GABRG3: variants seen among roughly 807,000 people sequenced by gnomAD.
GABRG3 encodes the protein gamma-aminobutyric acid type A receptor subunit gamma3, also known as gamma-aminobutyric acid receptor subunit gamma-3.
A neutral mutation model predicts 48.8 loss-of-function variants in GABRG3; 25 were observed. That is an observed-to-expected ratio of 0.51 (90% CI 0.37 to 0.72). The LOEUF (loss-of-function observed/expected upper bound fraction) is 0.72, where lower values mean the gene tolerates loss of function less well. GABRG3 is among the 30% of genes least tolerant of loss of function. The pLI, the probability that GABRG3 is intolerant of heterozygous loss-of-function variation, is 0.00. For missense variants in GABRG3, 394 were observed against 577.9 expected (o/e 0.68, Z 3.26); for synonymous variants, 227 against 217.6 (o/e 1.04, Z -0.38).
At chr15:27,492,765 G>A (rs1175354239) in intron 6 of GABRG3, among the ~76,000 whole-genome samples, 1 of 152,206 alleles carries the variant, frequency 6.6e-6, no homozygotes, top group African/African-American at 2.4e-5. Flanking sequence ...CTCACTTTGT[G>A]CGTGTAAAGG....
At chr15:27,415,035 C>T (rs1325672412) in intron 5 of GABRG3, among the ~76,000 whole-genome samples, 3 of 152,048 alleles carry the variant, frequency 2.0e-5, no homozygotes, top group East Asian at 1.9e-4. Context: ...TCGTATCTGA[C>T]GTTAATTTGG....
In GABRG3 at chr15:26,974,949, C is replaced by T. The variant is rs1377668606; in HGVS notation, c.54-2053C>T. 6.6e-6 allele frequency among the ~76,000 whole-genome samples: 1 copy of T among 151,314 alleles called. No homozygotes were observed. Among genetic ancestry groups the T allele is most frequent in the Non-Finnish European group, 1.5e-5 (1 of 67,902 alleles). ...AGTGCAGTGACACTATCTCGGCTCA[C>T]TGCAACCTCTGCCTCCTGGGTTCAA... is the stretch of plus-strand genomic sequence containing the variant. On this transcript the variant is annotated intron_variant, in intron 1 of 9. Coordinates refer to ENST00000615808, the MANE Select transcript of GABRG3 (RefSeq NM_033223.5). The surrounding 1 kb of genome is among the most constrained non-coding windows in gnomAD (Gnocchi z 4.3).
chr15:27,208,472 C>T, intron 3 of GABRG3: 1 of 181,990 alleles, frequency 5.5e-6, no homozygotes. Context: ...ATGAATACTG[C>T]CTAGTTTCTG....
At chr15:27,145,665 T>TATCTATCTATCTATCTATCTAGCTATC (rs57021410) in intron 3 of GABRG3, among the ~76,000 whole-genome samples, 1 of 138,356 alleles carries the variant, frequency 7.2e-6, no homozygotes, top group Non-Finnish European at 1.5e-5. Flanking sequence ...ATCTATCTAT[T>TATCTATCTATCTATCTATCTAGCTATC]GTGCCAGAAG....
At chr15:27,253,073 A>G (rs1890510454) in intron 3 of GABRG3, among the ~76,000 whole-genome samples, 1 of 152,178 alleles carries the variant, frequency 6.6e-6, no homozygotes, top group African/African-American at 2.4e-5. Context: ...GATGCTGCCT[A>G]TGGCAGGCTC....
chr15:27,362,281 A>T (rs186135909), intron 5 of GABRG3: 10 of 152,360 alleles, frequency 6.6e-5, no homozygotes, highest in African/African-American at 2.2e-4. Context: ...AAATACCAGG[A>T]AGCTGATTTC....
At chr15:27,069,030 A>T (rs1896784103) in intron 3 of GABRG3, among the ~76,000 whole-genome samples, 1 of 152,146 alleles carries the variant, frequency 6.6e-6, no homozygotes, top group Non-Finnish European at 1.5e-5. Flanking sequence ...TGGGACCCTA[A>T]ATCCCAAGGG....
rs1892920213 is a variant in GABRG3 at position 27,309,399 on chromosome 15, G to C, written c.271-17410G>C. ...GGTAAGGTATTTCACAATGTATTTG[G>C]AAAGGCAGAGGGACTAGCCTATGCA... is the stretch of plus-strand genomic sequence containing the variant. On this transcript the variant is annotated intron_variant, in intron 3 of 9. Coordinates refer to ENST00000615808, the MANE Select transcript of GABRG3 (RefSeq NM_033223.5). Among the ~76,000 whole-genome samples, 4 of 151,738 alleles carry C rather than the reference G, an allele frequency of 2.6e-5. No homozygotes were observed. In the Admixed American group the frequency reaches 2.6e-4, roughly 10 times the overall value.
intron 2 of GABRG3, among the ~76,000 whole-genome samples, chr15:26,987,958 G>C (rs936656493): frequency 6.6e-6 from 1 of 152,078 alleles, no homozygotes; most frequent in Non-Finnish European, 1.5e-5. Context: ...TCAAATATTT[G>C]AGGTTATTCC....
At position 27,339,570 on chromosome 15, in the gene GABRG3, C is replaced by T. The variant is rs111560481; in HGVS notation, c.574+10682C>T. Among the ~76,000 whole-genome samples, 259 of 152,326 alleles carry T rather than the reference C, an allele frequency of 1.7e-3. 1 individual carries two copies. Among genetic ancestry groups the T allele is most frequent in the African/African-American group, 5.9e-3 (246 of 41,588 alleles). On this transcript the variant is annotated intron_variant, in intron 5 of 9. Transcript: ENST00000615808. ...TGGGAGGCTGCTGGTTGCAGTCAGTCGGGCTGGCTGTGCATTCCTGCTAAG... is the reference window on the plus strand; with the variant it reads ...TGGGAGGCTGCTGGTTGCAGTCAGTTGGGCTGGCTGTGCATTCCTGCTAAG...
At chr15:27,169,297 G>T (rs1009179258) in intron 3 of GABRG3, among the ~76,000 whole-genome samples, 1 of 152,180 alleles carries the variant, frequency 6.6e-6, no homozygotes, top group East Asian at 1.9e-4. Context: ...CATGAGTTGA[G>T]CAAGTGAATT....
intron 3 of GABRG3, among the ~76,000 whole-genome samples, chr15:27,255,739 G>A (rs561766535): frequency 1.3e-5 from 2 of 152,334 alleles, no homozygotes; most frequent in East Asian, 3.9e-4. Flanking sequence ...GCTCACAGGA[G>A]CAGGGGATGA....
intron 3 of GABRG3, among the ~76,000 whole-genome samples, chr15:27,195,530 C>G (rs1888468278): frequency 1.3e-5 from 2 of 152,024 alleles, no homozygotes; most frequent in South Asian, 4.2e-4. Context: ...CAGGTTTTCA[C>G]CATGTTGGCC....
intron 5 of GABRG3, among the ~76,000 whole-genome samples, chr15:27,348,519 G>C (rs557725288): frequency 2.0e-5 from 3 of 152,088 alleles, no homozygotes; most frequent in Non-Finnish European, 4.4e-5. Flanking sequence ...TGAGGTTCAG[G>C]GTACATAAGT....
chr15:27,307,873 G>GTT (rs1555370167), intron 3 of GABRG3, among the ~76,000 whole-genome samples: 15 of 32,696 alleles, frequency 4.6e-4, no homozygotes, highest in Non-Finnish European at 7.9e-4. Flanking sequence ...ATATATAAAT[G>GTT]TATATGTTTA....
At chr15:27,320,948 C>G (rs1187638361) in intron 3 of GABRG3, among the ~76,000 whole-genome samples, 1 of 152,178 alleles carries the variant, frequency 6.6e-6, no homozygotes, top group Non-Finnish European at 1.5e-5. Flanking sequence ...AGGGGAGCCA[C>G]GTGCCCCTCT....
intron 6 of GABRG3, among the ~76,000 whole-genome samples, chr15:27,513,275 G>A (rs981703160): frequency 3.9e-5 from 6 of 151,982 alleles, no homozygotes; most frequent in African/African-American, 7.2e-5. Flanking sequence ...GTGAAACCCT[G>A]TCTCTACTAA....
intron 2 of GABRG3, among the ~76,000 whole-genome samples, chr15:27,022,745 T>C (rs1054601368): frequency 1.3e-5 from 2 of 152,024 alleles, no homozygotes; most frequent in African/African-American, 4.8e-5. Flanking sequence ...TGCTGTCAGG[T>C]CCCCCTTCCC....
intron 5 of GABRG3, among the ~76,000 whole-genome samples, chr15:27,356,985 T>C (rs1434629966): frequency 3.3e-5 from 5 of 149,514 alleles, no homozygotes; most frequent in Admixed American, 1.3e-4. Context: ...CCTTTCAACC[T>C]TTTTTGTATA....
Sources: allele counts gnomAD v4.1 joint callset (sites outside exome capture counted in the v4.1 genomes callset), GRCh38; gene constraint gnomAD v4.1.1; non-coding constraint Gnocchi (gnomAD v3.1); transcripts MANE v1.5; gene names NCBI Gene and HGNC (gene_info 2026-07-23, HGNC 2026-07-21).